SEC22C: variants seen among roughly 807,000 people sequenced by gnomAD.
SEC22C encodes vesicle-trafficking protein SEC22c.
A neutral mutation model predicts 34.7 loss-of-function variants in SEC22C; 29 were observed. That is an observed-to-expected ratio of 0.84 (90% CI 0.62 to 1.14). SEC22C has a LOEUF of 1.14. SEC22C is among the 50% of genes most tolerant of loss of function. The probability of loss-of-function intolerance (pLI) is 0.00; values close to 1 mark genes in which losing one functional copy is unlikely to be tolerated. For missense variants in SEC22C, 337 were observed against 369.0 expected, an observed-to-expected ratio of 0.91 and a Z score of 0.71; for synonymous variants, 117 against 132.8, an observed-to-expected ratio of 0.88 and a Z score of 0.82.
upstream of SEC22C, chr3:42,582,072 A>G (rs969020199): frequency 6.6e-6 from 1 of 152,130 alleles, no homozygotes; most frequent in Non-Finnish European, 1.5e-5. Context: ...GCGCGCCTCC[A>G]CAGCCCCCGT....
chr3:42,557,557 T>TTAAA, intron 5 of SEC22C, 21 bp downstream of exon 5: 52 of 1,005,020 alleles, frequency 5.2e-5, no homozygotes, highest in South Asian at 2.5e-4. Flanking sequence ...TAAACTGTTT[T>TTAAA]AAAAAAAAAA....
intron 1 of SEC22C, chr3:42,594,714 A>C: frequency 2.3e-6 from 1 of 436,780 alleles, no homozygotes; most frequent in Non-Finnish European, 4.1e-6. Flanking sequence ...TTTTTAAATA[A>C]TTAAGCAAAT....
At chr3:42,574,131 A>T (rs1270921194) in intron 1 of SEC22C, among the ~76,000 whole-genome samples, 2 of 152,172 alleles carry the variant, frequency 1.3e-5, no homozygotes, top group Non-Finnish European at 2.9e-5. Context: ...CTTACCTATA[A>T]GGGGAAAACA....
chr3:42,566,797 A>G (rs1202672434), intron 2 of SEC22C: 1 of 412,946 alleles, frequency 2.4e-6, no homozygotes, highest in Non-Finnish European at 4.9e-6. Context: ...TGAGCCTAGG[A>G]GTTTAAGACC....
Position 42,553,262 on chromosome 3 carries a change from C to CA in SEC22C, c.897dup (p.Asp300Ter), listed in dbSNP as rs1702334908. The CA allele has an allele frequency of 1.2e-6, 2 of 1,614,124 alleles. No individual in the cohort carries two copies. Among genetic ancestry groups the CA allele is most frequent in the Non-Finnish European group, 1.7e-6 (2 of 1,180,042 alleles). On this transcript the variant is annotated frameshift_variant, in exon 7 of 7. Coordinates refer to ENST00000264454, the MANE Select transcript of SEC22C (RefSeq NM_032970.4). LOFTEE classifies it high-confidence loss of function. The stretch of plus-strand genomic sequence containing the variant: ...CAGTGTCATCCTCATACTCCACAGT[C>CA]AGACTGCTTCTCCTGAAGCTGCCTT...
intron 4 of SEC22C, among the ~76,000 whole-genome samples, chr3:42,558,599 C>T (rs1054870316): frequency 6.6e-6 from 1 of 151,198 alleles, no homozygotes; most frequent in Non-Finnish European, 1.5e-5. Flanking sequence ...CCAGCCTGGG[C>T]AACATGGTGA....
At chr3:42,577,902 G>T (rs543212887) in intron 1 of SEC22C, among the ~76,000 whole-genome samples, 5 of 151,968 alleles carry the variant, frequency 3.3e-5, no homozygotes, top group African/African-American at 1.2e-4. Flanking sequence ...CCTGGGAGGC[G>T]GAGGTTGCAG....
chr3:42,592,027 G>A (rs1050353157), intron 1 of SEC22C, among the ~76,000 whole-genome samples: 1 of 151,976 alleles, frequency 6.6e-6, no homozygotes, highest in African/African-American at 2.4e-5. Context: ...CTAACTTCCC[G>A]TCAGTCTGTT....
intron 1 of SEC22C, among the ~76,000 whole-genome samples, chr3:42,575,247 C>T (rs547484033): frequency 6.6e-6 from 1 of 151,872 alleles, no homozygotes; most frequent in Admixed American, 6.5e-5. Flanking sequence ...AGAACAAACA[C>T]AAAACAAAAA....
upstream of SEC22C, among the ~76,000 whole-genome samples, chr3:42,586,687 T>C (rs1356492139): frequency 1.3e-5 from 2 of 152,262 alleles, no homozygotes; most frequent in Non-Finnish European, 2.9e-5. Context: ...TCTTTTCCTC[T>C]GCCATAAGAG....
intron 1 of SEC22C, among the ~76,000 whole-genome samples, chr3:42,577,172 G>C (rs1410369592): frequency 1.3e-5 from 2 of 152,060 alleles, no homozygotes; most frequent in African/African-American, 4.8e-5. Flanking sequence ...AAACATAGGA[G>C]GAAATCTTCA....
chr3:42,554,995 AC>A (rs71616051), intron 6 of SEC22C, among the ~76,000 whole-genome samples: 3 of 133,698 alleles, frequency 2.2e-5, no homozygotes, highest in African/African-American at 8.5e-5. Flanking sequence ...AACAACAACA[AC>A]AAAAAAATCA....
intron 1 of SEC22C, chr3:42,591,326 G>A (rs1423566348): frequency 1.7e-5 from 10 of 595,292 alleles, no homozygotes; most frequent in Non-Finnish European, 2.4e-5. Context: ...AGCCTCCTGA[G>A]TAGCTGGGAT....
chr3:42,568,576 G>A (rs781277015), intron 2 of SEC22C, among the ~76,000 whole-genome samples: 6 of 151,760 alleles, frequency 4.0e-5, no homozygotes, highest in Admixed American at 1.3e-4. Flanking sequence ...AACCCAGGAG[G>A]CGGAGGTTGC....
chr3:42,595,746 T>C (rs945966671), intron 1 of SEC22C, among the ~76,000 whole-genome samples: 1 of 152,210 alleles, frequency 6.6e-6, no homozygotes, highest in Non-Finnish European at 1.5e-5. Context: ...GCTCCTTTTT[T>C]TGGAGTCAAG....
intron 2 of SEC22C, among the ~76,000 whole-genome samples, chr3:42,566,250 C>A (rs1433202813): frequency 6.6e-6 from 1 of 152,152 alleles, no homozygotes; most frequent in African/African-American, 2.4e-5. Context: ...TTTGTCACCC[C>A]CTTCAGGACA....
chr3:42,588,373 C>G lies in SEC22C; in HGVS notation c.-28+12587G>C, dbSNP rs1704694012. 3.9e-5 allele frequency among the ~76,000 whole-genome samples: 6 copies of G among 152,292 alleles called. No individual in the cohort carries two copies. In the South Asian group the frequency reaches 1.2e-3, roughly 32 times the overall value. On this transcript the variant is annotated intron_variant, in intron 1 of 6. Coordinates refer to the SEC22C transcript ENST00000417572. ...TGAGCTGAGATTGCACCAATGCACT[C>G]CAGCTTGGGCAACAGAATAAGACTT...
chr3:42,560,645 T>C (rs1308061704), intron 4 of SEC22C, among the ~76,000 whole-genome samples: 3 of 152,142 alleles, frequency 2.0e-5, no homozygotes, highest in Non-Finnish European at 4.4e-5. Context: ...AGTCAATTTT[T>C]TTCTTTTTTG....
chr3:42,594,785 A>C (rs1704982637), intron 1 of SEC22C: 1 of 279,244 alleles, frequency 3.6e-6, no homozygotes, highest in African/African-American at 2.2e-5. Context: ...TTGGATAACA[A>C]AGACATCACT....
Sources: gnomAD v4.1 joint callset for allele counts (sites outside exome capture counted in the v4.1 genomes callset) on GRCh38, gnomAD v4.1.1 for gene constraint, MANE v1.5 for transcripts, NCBI Gene and HGNC (gene_info 2026-07-23, HGNC 2026-07-21) for gene names.